Variants in PCDH10 observed in about 807,000 individuals in gnomAD.
The protein encoded by PCDH10 is protocadherin 10.
A neutral mutation model predicts 74.4 loss-of-function variants in PCDH10; 15 were observed. That is an observed-to-expected ratio of 0.20 (90% CI 0.13 to 0.31). The LOEUF (loss-of-function observed/expected upper bound fraction) is 0.31. Ranked by LOEUF, PCDH10 falls within the 10% of genes least tolerant of loss-of-function variation. PCDH10 has a pLI of 1.00. For missense variants in PCDH10, 1,260 were observed against 1,390.2 expected, an observed-to-expected ratio of 0.91 and a Z score of 1.49; for synonymous variants, 619 against 589.8, an observed-to-expected ratio of 1.05 and a Z score of -0.72.
At chr4:133,174,692 A>G (rs1214698663) in intron 4 of PCDH10, among the ~76,000 whole-genome samples, 1 of 151,428 alleles carries the variant, frequency 6.6e-6, no homozygotes, top group Non-Finnish European at 1.5e-5. Context: ...CAATTTAGAA[A>G]TGCCTTTTTT....
At chr4:133,200,675 G>A (rs953514145) in intron 2 of PCDH10, among the ~76,000 whole-genome samples, 3 of 152,072 alleles carry the variant, frequency 2.0e-5, no homozygotes, top group Non-Finnish European at 4.4e-5. Flanking sequence ...ATTTTGGTCT[G>A]AATCCCACCT....
chr4:133,199,628 G>GA (rs952372767), downstream of PCDH10, among the ~76,000 whole-genome samples: 2 of 150,770 alleles, frequency 1.3e-5, no homozygotes, highest in African/African-American at 2.4e-5. Context: ...TAATGTAAAG[G>GA]AAAAAAACTC....
intron 3 of PCDH10, among the ~76,000 whole-genome samples, chr4:133,157,391 A>C (rs935628819): frequency 6.6e-6 from 1 of 152,204 alleles, no homozygotes; most frequent in African/African-American, 2.4e-5. Flanking sequence ...CAGCTAGACT[A>C]TTTCCAAAAA....
At chr4:133,200,073 C>T (rs1191823453) in intron 2 of PCDH10, among the ~76,000 whole-genome samples, 2 of 151,736 alleles carry the variant, frequency 1.3e-5, no homozygotes, top group African/African-American at 4.8e-5. Context: ...GCTGGGATTA[C>T]AGGCGTGAGC....
chr4:133,206,264 T>G (rs1345733696), intron 2 of PCDH10, among the ~76,000 whole-genome samples: 2 of 152,178 alleles, frequency 1.3e-5, no homozygotes, highest in Admixed American at 6.5e-5. Flanking sequence ...CTTCTTTGTA[T>G]GACGATTGCA....
exon 3 of PCDH10, chr4:133,208,384 T>C (rs981643858): frequency 1.3e-5 from 2 of 152,242 alleles, no homozygotes; most frequent in Non-Finnish European, 2.9e-5. Context: ...GAGAATCCTA[T>C]TGTCTGATAC....
Position 133,151,137 on chromosome 4 carries a change from C to T in PCDH10, c.997C>T (p.Leu333=). The change falls in exon 1 of 5, where the codon CTG becomes TTG. Residue 333 remains leucine (L), a synonymous_variant. Coordinates refer to ENST00000264360, the MANE Select transcript of PCDH10 (RefSeq NM_032961.3). ...VYQVYVQAKD[L]GPNAVPAHCK... is the part of the protein sequence containing the mutation. The stretch of plus-strand genomic sequence containing the variant: ...CCAAGTGTACGTGCAAGCCAAGGAC[C>T]TGGGCCCCAACGCCGTGCCTGCGCA... 6.2e-7 allele frequency: 1 copy of T among 1,614,144 alleles called. No individual in the cohort carries two copies. The highest frequency in any genetic ancestry group is 8.5e-7 in the Non-Finnish European group (1 of 1,180,016).
exon 3 of PCDH10, chr4:133,208,110 T>C (rs929087919): frequency 9.2e-5 from 14 of 152,188 alleles, no homozygotes; most frequent in African/African-American, 3.1e-4. Flanking sequence ...GAGAGACACA[T>C]GTGGCACAAG....
At chr4:133,199,184 A>G (rs969701529), downstream of PCDH10, among the ~76,000 whole-genome samples, 6 of 151,526 alleles carry the variant, frequency 4.0e-5, no homozygotes, top group African/African-American at 1.5e-4. Context: ...GATACTTGAA[A>G]GGCTGAAGTG....
chr4:133,162,561 T>G (rs536997440), intron 3 of PCDH10, among the ~76,000 whole-genome samples: 1 of 152,294 alleles, frequency 6.6e-6, no homozygotes, highest in East Asian at 1.9e-4. Flanking sequence ...GTCAAATATT[T>G]ATCATTGTTA....
intron 4 of PCDH10, among the ~76,000 whole-genome samples, chr4:133,168,447 A>G (rs1727133810): frequency 1.3e-5 from 2 of 151,494 alleles, no homozygotes; most frequent in South Asian, 4.1e-4. Flanking sequence ...TTTTATCAAT[A>G]TATTTATCTT....
intron 3 of PCDH10, among the ~76,000 whole-genome samples, chr4:133,157,146 A>G (rs1726884155): frequency 6.6e-6 from 1 of 152,206 alleles, no homozygotes; most frequent in Non-Finnish European, 1.5e-5. Context: ...GCCACAACAT[A>G]CTGGGCACAA....
At chr4:133,161,348 G>T (rs1332922206) in intron 3 of PCDH10, among the ~76,000 whole-genome samples, 1 of 152,096 alleles carries the variant, frequency 6.6e-6, no homozygotes, top group African/African-American at 2.4e-5. Flanking sequence ...TAAAATTTAT[G>T]TAATTTGCTA....
At chr4:133,173,877 C>T (rs1361987460) in intron 4 of PCDH10, among the ~76,000 whole-genome samples, 1 of 151,740 alleles carries the variant, frequency 6.6e-6, no homozygotes, top group Non-Finnish European at 1.5e-5. Context: ...CAAATATATA[C>T]ACATCTAATA....
chr4:133,179,578 A>G (rs1054701512), intron 4 of PCDH10, among the ~76,000 whole-genome samples: 81 of 152,104 alleles, frequency 5.3e-4, no homozygotes, highest in African/African-American at 1.9e-3. Flanking sequence ...ACCGTCTCTT[A>G]CTCATCAATC....
chr4:133,197,320 T>A (rs2125876254), downstream of PCDH10, among the ~76,000 whole-genome samples: 1 of 152,322 alleles, frequency 6.6e-6, no homozygotes, highest in East Asian at 1.9e-4. Flanking sequence ...TTCATAAAAA[T>A]GAATTTGGGC....
At chr4:133,166,624 A>C (rs1727087905) in intron 4 of PCDH10, among the ~76,000 whole-genome samples, 1 of 151,688 alleles carries the variant, frequency 6.6e-6, no homozygotes, top group African/African-American at 2.4e-5. Flanking sequence ...AAAACACTTT[A>C]ATATTTTTGT....
rs1727737260 is a variant in PCDH10, at chr4:133,193,956, A to G, written c.*3796A>G. 1.3e-5 allele frequency: 2 copies of G among 151,710 alleles called. No individual in the cohort carries two copies. The highest frequency in any genetic ancestry group is 4.8e-5 in the African/African-American group (2 of 41,420). The allele number at this position is 151,710 out of a possible 1,614,324, so 9.4% of individuals were successfully genotyped here. A position where few individuals can be genotyped will look rare whatever the true frequency, so the allele number is the denominator to read the frequency against. On this transcript the variant is annotated 3_prime_UTR_variant, in exon 5 of 5. Coordinates refer to ENST00000264360, the MANE Select transcript of PCDH10 (RefSeq NM_032961.3). ...ATGGAGTAGTAAAATTATTTTATAT[A>G]TTGTTAGTACTTCAACAAACATCCC...
Position 133,149,510 on chromosome 4 carries a change from A to G in PCDH10, c.-631A>G, listed in dbSNP as rs917061680. 6.6e-6 allele frequency: 1 copy of G among 152,420 alleles called. No homozygotes were observed. Among genetic ancestry groups the G allele is most frequent in the African/African-American group, 2.4e-5 (1 of 41,454 alleles). The allele number at this position is 152,420 out of a possible 1,614,324, so 9.4% of individuals were successfully genotyped here. ...AAAAATACAAATAGAGCGAAAGAGG[A>G]AAAAAATGTCAAGAAGAACATCCAT... On this transcript the variant is annotated 5_prime_UTR_variant, in exon 1 of 5. Coordinates refer to ENST00000264360, the MANE Select transcript of PCDH10 (RefSeq NM_032961.3).
Sources: gnomAD v4.1 joint callset for allele counts (sites outside exome capture counted in the v4.1 genomes callset) on GRCh38, gnomAD v4.1.1 for gene constraint, MANE v1.5 for transcripts, NCBI Gene and HGNC (gene_info 2026-07-23, HGNC 2026-07-21) for gene names.